The following SHANK1 variants were observed in gnomAD, a reference collection of about 807,000 sequenced individuals.
The protein encoded by SHANK1 is SH3 and multiple ankyrin repeat domains 1.
Under a neutral mutation model 165.6 loss-of-function variants are expected in SHANK1, and 35 were observed. That is an observed-to-expected ratio of 0.21 (90% confidence interval 0.16 to 0.28). The LOEUF (loss-of-function observed/expected upper bound fraction) is 0.28. Among genes scored for constraint, SHANK1 ranks in the 10% least tolerant of loss-of-function variants. The probability of loss-of-function intolerance (pLI) is 1.00; values close to 1 mark genes in which losing one functional copy is unlikely to be tolerated. For missense variants in SHANK1, 2,681 were observed against 3,036.4 expected, an observed-to-expected ratio of 0.88 and a Z score of 2.75; for synonymous variants, 1,428 against 1,384.8, an observed-to-expected ratio of 1.03 and a Z score of -0.69.
At chr19:50,679,762 G>C (rs190035563) in intron 21 of SHANK1, among the ~76,000 whole-genome samples, 1 of 152,090 alleles carries the variant, frequency 6.6e-6, no homozygotes, top group Non-Finnish European at 1.5e-5. Context: ...AGACAGAGAT[G>C]GGGGGACAGA....
rs560815837 is a variant in SHANK1, at chr19:50,692,867, T to C, written c.1965-3588A>G. Among the ~76,000 whole-genome samples the C allele has an allele frequency of 4.5e-5, 5 of 111,972 alleles. No individual in the cohort carries two copies. In the East Asian group the frequency reaches 1.6e-3, roughly 35 times the overall value. The allele number at this position is 111,972 out of a possible 152,430, so 73.5% of individuals were successfully genotyped here. ...ACACCCTATGGAGCCATCCCCCCATTTCCCGTGTCCCCTGACACACCCTAC... is the reference window on the plus strand; with the variant it reads ...ACACCCTATGGAGCCATCCCCCCATCTCCCGTGTCCCCTGACACACCCTAC... On this transcript the variant is annotated intron_variant, in intron 15 of 23. Coordinates refer to ENST00000293441, the MANE Select transcript of SHANK1 (RefSeq NM_016148.5).
chr19:50,704,287 TCCGACAATGCCG>T, intron 9 of SHANK1, 101 bp from the exon 10 acceptor site: 2 of 1,358,954 alleles, frequency 1.5e-6, no homozygotes, highest in Non-Finnish European at 2.1e-6. Flanking sequence ...AACCTTCCAC[TCCGACAATGCCG>T]CCCTCTGTCT....
At position 50,713,388 on chromosome 19, in the gene SHANK1, G is replaced by A. The variant is rs948015043; in HGVS notation, c.792+410C>T. On this transcript the variant is annotated intron_variant, in intron 6 of 23. Coordinates refer to ENST00000293441, the MANE Select transcript of SHANK1 (RefSeq NM_016148.5). The surrounding 1 kb of genome is among the most constrained non-coding windows in gnomAD (Gnocchi z 6.2). ...GGGGAGCTGGTGCAGTGCTGGTTTG[G>A]AAGGGTAGCTGGGGGGCTGTTTTCA... Among the ~76,000 whole-genome samples, 8 of 151,948 alleles carry A rather than the reference G, an allele frequency of 5.3e-5. No homozygotes were observed. Among genetic ancestry groups the A allele is most frequent in the Non-Finnish European group, 7.4e-5 (5 of 67,990 alleles).
chr19:50,708,970 G>A (rs528872387), intron 8 of SHANK1, among the ~76,000 whole-genome samples: 1 of 152,290 alleles, frequency 6.6e-6, no homozygotes, highest in East Asian at 1.9e-4. Context: ...AGAGGCTGAG[G>A]AAAAACTGTC....
At chr19:50,699,049 C>T (rs1986826049) in intron 12 of SHANK1, among the ~76,000 whole-genome samples, 1 of 152,178 alleles carries the variant, frequency 6.6e-6, no homozygotes, top group Non-Finnish European at 1.5e-5. Context: ...TCCAGCTATG[C>T]TAGGGGTTGA....
At chr19:50,669,397 G>T in intron 22 of SHANK1, 112 bp from the exon 23 acceptor site, 1 of 714,270 alleles carries the variant, frequency 1.4e-6, no homozygotes, top group Non-Finnish European at 2.4e-6. Flanking sequence ...CCCCGTATAT[G>T]CCAGGAACTT....
chr19:50,683,855 C>T (rs1033325793), intron 21 of SHANK1, among the ~76,000 whole-genome samples: 1 of 152,182 alleles, frequency 6.6e-6, no homozygotes, highest in Non-Finnish European at 1.5e-5. Flanking sequence ...TTCGCAGACA[C>T]AGAATCTGGG....
intron 11 of SHANK1, among the ~76,000 whole-genome samples, chr19:50,703,148 A>C: frequency 7.0e-6 from 1 of 142,214 alleles, no homozygotes; most frequent in African/African-American, 2.7e-5. Context: ...CTCCAGAGTG[A>C]CCTCTCTGTC....
At position 50,712,859 on chromosome 19, in the gene SHANK1, T is replaced by G. The variant is rs79219359; in HGVS notation, c.793-745A>C. 2.4e-4 allele frequency among the ~76,000 whole-genome samples: 36 copies of G among 152,344 alleles called. No individual in the cohort carries two copies. In the East Asian group the frequency reaches 6.7e-3, roughly 29 times the overall value. ...TAGTGAGCCTGAGGAACTGAAATTT[T>G]AATTTTACTTCATTCTATTTAATTT... is the stretch of plus-strand genomic sequence containing the variant. On this transcript the variant is annotated intron_variant, in intron 6 of 23. Coordinates refer to ENST00000293441, the MANE Select transcript of SHANK1 (RefSeq NM_016148.5).
Position 50,668,587 on chromosome 19 carries a change from C to T in SHANK1, c.3373G>A (p.Gly1125Ser). Residue 1125 changes from glycine to serine, a missense_variant, in exon 23 of 24, where the codon GGC (glycine) becomes AGC (serine). Gly to Ser is a moderately conservative substitution (Grantham distance 56). Coordinates refer to ENST00000293441, the MANE Select transcript of SHANK1 (RefSeq NM_016148.5). ...KVEGEPQKGG[G>S]LPPAPSPTSP... The stretch of plus-strand genomic sequence containing the variant: ...GTGGGCGACGGCGCGGGCGGGAGGC[C>T]GCCGCCCTTCTGGGGCTCGCCTTCC... 7.4e-7 allele frequency: 1 copy of T among 1,351,718 alleles called. No individual in the cohort carries two copies. The highest frequency in any genetic ancestry group is 9.5e-7 in the Non-Finnish European group (1 of 1,049,574). 83.7% of individuals were successfully genotyped at this position (1,351,718 alleles called of 1,614,324 possible).
chr19:50,715,829 T>C (rs1410810535), intron 3 of SHANK1, 99 bp from the exon 4 acceptor site: 2 of 1,143,568 alleles, frequency 1.7e-6, no homozygotes, highest in East Asian at 2.4e-5. Flanking sequence ...CCCCTTCTAA[T>C]TCCCCGGGGT....
Position 50,688,879 on chromosome 19 carries a change from G to T in SHANK1, c.2137C>A (p.Arg713=), listed in dbSNP as rs138273094. ...AAGTCTCCCATTCGCAGTCCAGCTCGCCATGCCACGCCACCCTCGTCCACC... is the reference window on the plus strand; with the variant it reads ...AAGTCTCCCATTCGCAGTCCAGCTCTCCATGCCACGCCACCCTCGTCCACC... The part of the protein sequence containing the change: ...ESVDEGGVAW[R]AGLRMGDFLI... The change falls in exon 17 of 24, where the codon CGA becomes AGA. Residue 713 remains arginine (R), a synonymous_variant. Transcript: ENST00000293441. This position sits in a 1 kb window ranked among gnomAD's most constrained non-coding sequence, Gnocchi z 6.7. 19 of 1,593,828 alleles carry T rather than the reference G, an allele frequency of 1.2e-5. No homozygotes were observed. The highest frequency in any genetic ancestry group is 1.5e-5 in the Non-Finnish European group (17 of 1,170,168).
intron 21 of SHANK1, among the ~76,000 whole-genome samples, chr19:50,680,758 C>A (rs1986153001): frequency 6.6e-6 from 1 of 151,708 alleles, no homozygotes; most frequent in Non-Finnish European, 1.5e-5. Flanking sequence ...CAGGTTCAAG[C>A]GATTCTCCTG....
chr19:50,701,488 C>T (rs576784938), intron 12 of SHANK1, among the ~76,000 whole-genome samples: 23 of 152,052 alleles, frequency 1.5e-4, no homozygotes, highest in African/African-American at 4.8e-4. Context: ...CCACCTTGTC[C>T]GGCCAAATGA....
chr19:50,664,284 C>T (rs1468284816), intron 23 of SHANK1, among the ~76,000 whole-genome samples: 1 of 152,142 alleles, frequency 6.6e-6, no homozygotes, highest in Non-Finnish European at 1.5e-5. Context: ...CTGCTCCCAA[C>T]CCTCTGTGTA....
Position 50,688,854 on chromosome 19 carries a change from A to G in SHANK1, c.2162T>C (p.Phe721Ser). 1 of 1,605,878 alleles carries G rather than the reference A, an allele frequency of 6.2e-7. No individual in the cohort carries two copies. Among genetic ancestry groups the G allele is most frequent in the Non-Finnish European group, 8.5e-7 (1 of 1,176,290 alleles). The part of the protein sequence containing the change: ...AWRAGLRMGD[F>S]LIEVNGQNVV... ...GGGGCCTGGACTGACCTCGATGAGGAAGTCTCCCATTCGCAGTCCAGCTCG... is the reference window on the plus strand; with the variant it reads ...GGGGCCTGGACTGACCTCGATGAGGGAGTCTCCCATTCGCAGTCCAGCTCG... The change falls in exon 17 of 24, where the codon TTC becomes TCC. Residue 721 changes from phenylalanine to serine, a missense_variant. By Grantham distance (155) the Phe-to-Ser change is radical. Around this residue, in one of 10 missense-constraint regions of SHANK1, gnomAD observed 147 missense variants for 256.5 expected, o/e 0.57. Coordinates refer to ENST00000293441, the MANE Select transcript of SHANK1 (RefSeq NM_016148.5). This position sits in a 1 kb window ranked among gnomAD's most constrained non-coding sequence, Gnocchi z 6.7.
At position 50,666,468 on chromosome 19, in the gene SHANK1, G is replaced by T. The variant is rs1411641920; in HGVS notation, c.5492C>A (p.Ser1831Tyr). Reference protein sequence around the residue: ...EVPPVPLPTASSLPRKLLPWE... With the variant: ...EVPPVPLPTAYSLPRKLLPWE... ...GGGCAGCAGCTTCCGGGGCAGAGAGGAGGCCGTCGGCAAGGGCACCGGTGG... is the reference window on the plus strand; with the variant it reads ...GGGCAGCAGCTTCCGGGGCAGAGAGTAGGCCGTCGGCAAGGGCACCGGTGG... Residue 1831 changes from serine to tyrosine, a missense_variant, in exon 23 of 24, where the codon TCC (serine) becomes TAC (tyrosine). Transcript: ENST00000293441. The T allele has an allele frequency of 1.9e-6, 3 of 1,603,966 alleles. No individual in the cohort carries two copies. The highest frequency in any genetic ancestry group is 2.5e-6 in the Non-Finnish European group (3 of 1,176,996).
intron 18 of SHANK1, 115 bp downstream of exon 18, chr19:50,687,808 C>T (rs1052271200): frequency 1.3e-5 from 18 of 1,432,768 alleles, no homozygotes; most frequent in Non-Finnish European, 1.5e-5. Flanking sequence ...ACAAGGGTCA[C>T]GGAGAAGCAG....
rs11307439 is a variant in SHANK1 at position 50,676,139 on chromosome 19, A to AT, written c.2578-4026dup. On this transcript the variant is annotated intron_variant, in intron 21 of 23. Coordinates refer to ENST00000293441, the MANE Select transcript of SHANK1 (RefSeq NM_016148.5). ...ATAGCAAGACCCTGTCTCACCCCCA[A>AT]TTTTTTTTTTTTAATTAGTGGTGCA... 8.1e-3 allele frequency among the ~76,000 whole-genome samples: 1,210 copies of AT among 148,640 alleles called. 11 individuals are homozygous for AT. Among genetic ancestry groups the AT allele is most frequent in the African/African-American group, 0.026 (1,044 of 40,346 alleles).
Sources: allele counts gnomAD v4.1 joint callset (sites outside exome capture counted in the v4.1 genomes callset), GRCh38; gene constraint gnomAD v4.1.1; regional missense constraint gnomAD v4.1.1; non-coding constraint Gnocchi (gnomAD v3.1); transcripts MANE v1.5; gene names NCBI Gene and HGNC (gene_info 2026-07-23, HGNC 2026-07-21).